The following CLPB variants were observed in gnomAD, a reference collection of about 807,000 sequenced individuals.
The protein encoded by CLPB is mitochondrial disaggregase.
In CLPB, 40 loss-of-function variants were observed where a neutral mutation model predicts 78.4. The observed-to-expected ratio is 0.51, with a 90% CI of 0.40 to 0.66. The LOEUF is 0.66. Ranked by LOEUF, CLPB falls within the 30% of genes least tolerant of loss-of-function variation. The pLI, the probability that CLPB is intolerant of heterozygous loss-of-function variation, is 0.00. For missense variants in CLPB, 780 were observed against 886.9 expected, an observed-to-expected ratio of 0.88 and a Z score of 1.53; for synonymous variants, 333 against 348.0, an observed-to-expected ratio of 0.96 and a Z score of 0.48.
intron 1 of CLPB, among the ~76,000 whole-genome samples, chr11:72,433,527 A>T (rs893684040): frequency 2.0e-5 from 3 of 151,006 alleles, no homozygotes; most frequent in African/African-American, 7.3e-5. Flanking sequence ...CGACAGAGCA[A>T]GACTCCATCT....
intron 3 of CLPB, among the ~76,000 whole-genome samples, chr11:72,387,993 A>C (rs532793820): frequency 3.9e-5 from 6 of 152,080 alleles, no homozygotes; most frequent in African/African-American, 1.4e-4. Context: ...GGGCCTCTCC[A>C]GGTTCATGAG....
At chr11:72,408,774 G>A (rs1243646167) in intron 2 of CLPB, among the ~76,000 whole-genome samples, 1 of 151,864 alleles carries the variant, frequency 6.6e-6, no homozygotes, top group East Asian at 1.9e-4. Flanking sequence ...TCAGTGCAGA[G>A]CAGCCCAGAA....
intron 2 of CLPB, among the ~76,000 whole-genome samples, chr11:72,411,447 C>T (rs1855873329): frequency 6.6e-6 from 1 of 152,084 alleles, no homozygotes. Flanking sequence ...TCTTTGTGGT[C>T]CTTACTTTTA....
chr11:72,290,924 G>A lies in CLPB; in HGVS notation c.*2443C>T, dbSNP rs1949443215. The A allele has an allele frequency of 6.8e-6, 1 of 146,310 alleles. No homozygotes were observed. The highest frequency in any genetic ancestry group is 2.6e-5 in the African/African-American group (1 of 39,020). 9.1% of individuals were successfully genotyped at this position (146,310 alleles called of 1,614,324 possible). A position where few individuals can be genotyped will look rare whatever the true frequency, so the allele number is the denominator to read the frequency against. On this transcript the variant is annotated 3_prime_UTR_variant, in exon 16 of 16. Transcript: ENST00000538039. ...TGCGCCACTGCACTCCATCCTGGGT[G>A]ACAGAGCGGGACTCCGTCTCAAAAA... is the stretch of plus-strand genomic sequence containing the variant.
intron 5 of CLPB, among the ~76,000 whole-genome samples, chr11:72,330,479 T>C (rs927124315): frequency 1.3e-5 from 2 of 152,244 alleles, no homozygotes; most frequent in African/African-American, 4.8e-5. Flanking sequence ...GCCATGTATC[T>C]ACCTTCTCTC....
intron 5 of CLPB, among the ~76,000 whole-genome samples, chr11:72,334,838 C>T (rs1950291184): frequency 6.6e-6 from 1 of 152,246 alleles, no homozygotes; most frequent in Non-Finnish European, 1.5e-5. Context: ...CAGTGTGGTA[C>T]AGGACCCCTC....
At position 72,301,857 on chromosome 11, in the gene CLPB, T is replaced by C. The variant is rs745814692; in HGVS notation, c.1275A>G (p.Glu425=). The C allele has an allele frequency of 1.2e-5, 20 of 1,614,186 alleles. No homozygotes were observed. The South Asian group carries it at 2.2e-4, about 18-fold the overall frequency. The part of the protein sequence containing the change: ...QCPNAVVLFD[E]VDKAHPDVLT... Reference sequence around the variant, plus strand: ...GCACATCTGGATGGGCCTTGTCTACTTCATCAAAGAGCACCACAGCATTGG... The same window carrying C: ...GCACATCTGGATGGGCCTTGTCTACCTCATCAAAGAGCACCACAGCATTGG... Residue 425 remains glutamate, a synonymous_variant, in exon 11 of 16, where the codon GAA becomes GAG. Transcript: ENST00000538039.
intron 5 of CLPB, among the ~76,000 whole-genome samples, chr11:72,350,076 G>A (rs779314882): frequency 6.6e-5 from 10 of 152,272 alleles, no homozygotes; most frequent in South Asian, 4.1e-4. Context: ...CAACTATGCA[G>A]TGGCTCCTCG....
chr11:72,411,863 G>C (rs945297965), intron 2 of CLPB: 1 of 152,262 alleles, frequency 6.6e-6, no homozygotes, highest in African/African-American at 2.4e-5. Flanking sequence ...GAAGGGTAGG[G>C]AGCCCTATCC....
In CLPB at chr11:72,285,721, TG is replaced by T. The variant is rs1349635333; in HGVS notation, c.*7645del. 2 of 152,168 alleles carry T rather than the reference TG, an allele frequency of 1.3e-5. No individual in the cohort carries two copies. The highest frequency in any genetic ancestry group is 2.4e-5 in the African/African-American group (1 of 41,440). The allele number at this position is 152,168 out of a possible 1,614,324, so 9.4% of individuals were successfully genotyped here. ...AAAAGTATTTAAAATAACATAGCAG[TG>T]TTCCCCTTCCATTGCTGTCCCTGAA... is the stretch of plus-strand genomic sequence containing the variant. On this transcript the variant is annotated 3_prime_UTR_variant, in exon 16 of 16. Transcript: ENST00000538039.
intron 2 of CLPB, among the ~76,000 whole-genome samples, chr11:72,405,491 T>C (rs1344708605): frequency 6.6e-6 from 1 of 152,156 alleles, no homozygotes; most frequent in Non-Finnish European, 1.5e-5. Context: ...ATGAAATCAG[T>C]AATGGACCCT....
chr11:72,347,706 T>G (rs924872506), intron 5 of CLPB, among the ~76,000 whole-genome samples: 1 of 152,216 alleles, frequency 6.6e-6, no homozygotes, highest in African/African-American at 2.4e-5. Flanking sequence ...TCACCCAAGA[T>G]GTCCATGTTC....
At chr11:72,419,909 A>C in intron 2 of CLPB, among the ~76,000 whole-genome samples, 1 of 152,188 alleles carries the variant, frequency 6.6e-6, no homozygotes, top group East Asian at 1.9e-4. Context: ...CTGACTACTG[A>C]TCTACCAAGC....
chr11:72,311,841 T>C (rs1279109833), intron 7 of CLPB, among the ~76,000 whole-genome samples: 2 of 152,254 alleles, frequency 1.3e-5, no homozygotes, highest in African/African-American at 4.8e-5. Context: ...CCAGGCAGGC[T>C]GCTCTGCCTC....
chr11:72,422,661 C>A (rs1038683901), intron 2 of CLPB, among the ~76,000 whole-genome samples: 1 of 152,194 alleles, frequency 6.6e-6, no homozygotes, highest in Non-Finnish European at 1.5e-5. Context: ...TATTTACATA[C>A]TTCCTGATTA....
intron 5 of CLPB, among the ~76,000 whole-genome samples, 176 bp downstream of exon 5, chr11:72,358,704 G>A (rs1950769816): frequency 6.6e-6 from 1 of 152,252 alleles, no homozygotes; most frequent in South Asian, 2.1e-4. Flanking sequence ...TGCTCTCGAG[G>A]CATCTCTAGC....
chr11:72,356,276 C>G (rs895532591), intron 5 of CLPB, among the ~76,000 whole-genome samples: 6 of 118,492 alleles, frequency 5.1e-5, no homozygotes, highest in Non-Finnish European at 1.1e-4. Flanking sequence ...GAAAATCTGT[C>G]TCAATTAAAA....
At chr11:72,400,544 A>G (rs575435156) in intron 3 of CLPB, among the ~76,000 whole-genome samples, 116 of 152,302 alleles carry the variant, frequency 7.6e-4, no homozygotes, top group African/African-American at 2.7e-3. Flanking sequence ...GTTGTTTCCT[A>G]TTCAGTCTCA....
intron 4 of CLPB, among the ~76,000 whole-genome samples, 161 bp downstream of exon 4, chr11:72,380,120 A>C (rs567091747): frequency 6.6e-6 from 1 of 152,176 alleles, no homozygotes; most frequent in Non-Finnish European, 1.5e-5. Flanking sequence ...GGACTGTGAA[A>C]GGCAGCTGTT....
Sources: gnomAD v4.1 joint callset for allele counts (sites outside exome capture counted in the v4.1 genomes callset) on GRCh38, gnomAD v4.1.1 for gene constraint, MANE v1.5 for transcripts, NCBI Gene and HGNC (gene_info 2026-07-23, HGNC 2026-07-21) for gene names.